Variants in PTTG1IP2 observed in about 807,000 individuals in gnomAD.
PTTG1IP2 encodes the protein PTTG1IP family member 2.
Position 90,472,529 on chromosome 7 carries a change from C to T in PTTG1IP2, c.145+2598C>T, listed in dbSNP as rs145830107. On this transcript the variant is annotated intron_variant, in intron 1 of 6. Coordinates refer to ENST00000509356, the MANE Select transcript of PTTG1IP2 (RefSeq NM_001365443.2). ...TAATTTGAATATAAGGCAAGGCTTC[C>T]GAGTTTTCTCTCTTCATTTGTTTAT... Among the ~76,000 whole-genome samples, 284 of 152,230 alleles carry T rather than the reference C, an allele frequency of 1.9e-3. 2 individuals are homozygous for T. Among genetic ancestry groups the T allele is most frequent in the African/African-American group, 5.3e-3 (219 of 41,534 alleles).
At chr7:90,481,346 T>C (rs1412940591) in intron 2 of PTTG1IP2, among the ~76,000 whole-genome samples, 1 of 152,154 alleles carries the variant, frequency 6.6e-6, no homozygotes, top group Non-Finnish European at 1.5e-5. Context: ...TGGTTTATAT[T>C]TTCGTTTGCT....
At chr7:90,493,627 G>T (rs777838793) in intron 5 of PTTG1IP2, among the ~76,000 whole-genome samples, 4 of 152,242 alleles carry the variant, frequency 2.6e-5, no homozygotes, top group Admixed American at 2.0e-4. Flanking sequence ...GGAATAAAGT[G>T]TAGTCAAATT....
chr7:90,504,277 C>G (rs1017750141), intron 6 of PTTG1IP2, among the ~76,000 whole-genome samples: 1 of 151,620 alleles, frequency 6.6e-6, no homozygotes, highest in Admixed American at 6.6e-5. Flanking sequence ...GATCACGCCA[C>G]TGCACTCCAG....
At position 90,488,134 on chromosome 7, in the gene PTTG1IP2, A is replaced by G. The variant is rs188937482; in HGVS notation, c.286+714A>G. On this transcript the variant is annotated intron_variant, in intron 3 of 6. Transcript: ENST00000509356. ...AAAGAATTGAAACAAAATGCTTTCTAGGTAAATCCTAGCTATGTGAAAAAA... is the reference window on the plus strand; with the variant it reads ...AAAGAATTGAAACAAAATGCTTTCTGGGTAAATCCTAGCTATGTGAAAAAA... 5.9e-5 allele frequency among the ~76,000 whole-genome samples: 9 copies of G among 152,252 alleles called. No homozygotes were observed. The East Asian group carries it at 1.7e-3, about 29-fold the overall frequency.
At chr7:90,512,595 A>G (rs1798203534) in intron 6 of PTTG1IP2, among the ~76,000 whole-genome samples, 1 of 152,184 alleles carries the variant, frequency 6.6e-6, no homozygotes, top group South Asian at 2.1e-4. Context: ...TTGGGGTTGC[A>G]GTAGACTGAG....
At chr7:90,502,664 G>A (rs1396681365) in intron 6 of PTTG1IP2, among the ~76,000 whole-genome samples, 2 of 152,182 alleles carry the variant, frequency 1.3e-5, no homozygotes, top group Admixed American at 6.5e-5. Context: ...GTGACCAGGC[G>A]CATTGTCAAT....
At chr7:90,508,268 AAAAAAAAAAAAAG>A (rs1798146851) in intron 6 of PTTG1IP2, among the ~76,000 whole-genome samples, 1 of 132,260 alleles carries the variant, frequency 7.6e-6, no homozygotes, top group Non-Finnish European at 1.8e-5. Flanking sequence ...CGTCTCAAAA[AAAAAAAAAAAAAG>A]AAAAGAAAAG....
intron 6 of PTTG1IP2, among the ~76,000 whole-genome samples, chr7:90,500,849 A>G (rs1190846996): frequency 1.3e-5 from 2 of 152,216 alleles, no homozygotes; most frequent in Non-Finnish European, 2.9e-5. Context: ...CCTGAAAGGA[A>G]TATCTGTGCA....
At chr7:90,485,265 T>A (rs534605128) in intron 2 of PTTG1IP2, among the ~76,000 whole-genome samples, 1 of 152,148 alleles carries the variant, frequency 6.6e-6, no homozygotes, top group Non-Finnish European at 1.5e-5. Context: ...ATTTTCTCCA[T>A]CCATCCCCAT....
chr7:90,496,122 CAT>C (rs1167246327), intron 6 of PTTG1IP2, among the ~76,000 whole-genome samples: 1 of 152,206 alleles, frequency 6.6e-6, no homozygotes, highest in Admixed American at 6.5e-5. Context: ...TTTCTTTTCT[CAT>C]AGTGTCTTTG....
intron 6 of PTTG1IP2, among the ~76,000 whole-genome samples, chr7:90,508,727 G>A (rs532865035): frequency 2.0e-4 from 30 of 152,152 alleles, no homozygotes; most frequent in East Asian, 7.7e-4. Context: ...AATATTAGCC[G>A]TACTTTAAGA....
intron 6 of PTTG1IP2, among the ~76,000 whole-genome samples, chr7:90,496,900 T>A (rs1193268642): frequency 6.6e-6 from 1 of 152,256 alleles, no homozygotes; most frequent in East Asian, 1.9e-4. Context: ...AATTTTCATT[T>A]GTCTCAATAT....
chr7:90,479,719 C>T (rs543092235), intron 2 of PTTG1IP2, among the ~76,000 whole-genome samples: 7 of 152,266 alleles, frequency 4.6e-5, no homozygotes, highest in South Asian at 2.1e-4. Flanking sequence ...AATCATTGCT[C>T]TTCAGTTCAG....
chr7:90,505,735 A>G (rs17863132), intron 6 of PTTG1IP2, among the ~76,000 whole-genome samples: 2,131 of 152,242 alleles, frequency 0.014, 26 homozygotes, highest in Non-Finnish European at 0.022. Flanking sequence ...CTGTAATCCC[A>G]GCACTTTGGG....
chr7:90,486,467 C>CTTTTTTTTTTTTTTTT (rs532687452), intron 2 of PTTG1IP2, among the ~76,000 whole-genome samples: 5 of 119,218 alleles, frequency 4.2e-5, no homozygotes, highest in Non-Finnish European at 5.2e-5. Flanking sequence ...CTTTGTCTTC[C>CTTTTTTTTTTTTTTTT]TTTTTTTTTT....
intron 6 of PTTG1IP2, among the ~76,000 whole-genome samples, chr7:90,500,704 A>C (rs1562988944): frequency 6.6e-6 from 1 of 152,224 alleles, no homozygotes; most frequent in Non-Finnish European, 1.5e-5. Flanking sequence ...ATTATGGCCC[A>C]AATCCCAATA....
At chr7:90,505,986 G>A (rs1433820699) in intron 6 of PTTG1IP2, among the ~76,000 whole-genome samples, 1 of 76,992 alleles carries the variant, frequency 1.3e-5, no homozygotes, top group African/African-American at 5.2e-5. Flanking sequence ...GCGAGACTCC[G>A]TCTCAAAAAA....
intron 2 of PTTG1IP2, among the ~76,000 whole-genome samples, chr7:90,480,556 T>C (rs1797804555): frequency 6.6e-6 from 1 of 152,154 alleles, no homozygotes; most frequent in Non-Finnish European, 1.5e-5. Context: ...ATGGATACCA[T>C]ATCATTTTAT....
chr7:90,470,472 A>G (rs1000322630), intron 1 of PTTG1IP2: 5 of 152,228 alleles, frequency 3.3e-5, no homozygotes, highest in Non-Finnish European at 7.3e-5. Flanking sequence ...TTGGAACCGT[A>G]TAGACAAAAT....
Sources: gnomAD v4.1 joint callset for allele counts (sites outside exome capture counted in the v4.1 genomes callset) on GRCh38, gnomAD v4.1.1 for gene constraint, MANE v1.5 for transcripts, NCBI Gene and HGNC (gene_info 2026-07-23, HGNC 2026-07-21) for gene names.